The following THTPA variants were observed in gnomAD, a reference collection of about 807,000 sequenced individuals.
THTPA encodes the protein thiamine-triphosphatase.
A neutral mutation model predicts 16.5 loss-of-function variants in THTPA; 16 were observed. The ratio of observed to expected loss-of-function variants is 0.97; its 90% CI spans 0.66 to 1.47. The LOEUF is 1.47. Among genes scored for constraint, THTPA ranks in the 40% most tolerant of loss-of-function variants. The pLI, the probability that THTPA is intolerant of heterozygous loss-of-function variation, is 0.00. For synonymous variants in THTPA, 110 were observed against 115.5 expected (o/e 0.95, Z 0.30); for missense variants, 281 against 280.9 (o/e 1.00, Z 0.00).
At chr14:23,534,982 A>C in the THTPA span, 1 of 1,536,132 alleles carries the variant, frequency 6.5e-7, no homozygotes, top group South Asian at 1.2e-5. This position sits in a 1 kb window ranked among gnomAD's most constrained non-coding sequence, Gnocchi z 4.5. Context: ...AGCTGTGAAG[A>C]ATAAGTGGTT....
the THTPA span, chr14:23,524,295 T>A: frequency 3.3e-6 from 5 of 1,536,162 alleles, no homozygotes; most frequent in African/African-American, 6.8e-5. The surrounding 1 kb of genome is among the most constrained non-coding windows in gnomAD (Gnocchi z 5.6). Context: ...ATCTTGCGTG[T>A]TGGGTTGGAA....
chr14:23,537,830 C>T, the THTPA span, among the ~76,000 whole-genome samples: 1 of 152,154 alleles, frequency 6.6e-6, no homozygotes, highest in Non-Finnish European at 1.5e-5. Flanking sequence ...CCATCGTCAC[C>T]CACAGGGTGG....
the THTPA span, chr14:23,527,942 T>C: frequency 1.3e-6 from 1 of 796,010 alleles, no homozygotes; most frequent in African/African-American, 1.8e-5. Flanking sequence ...AGTCTGGCTC[T>C]GTCACCCAGG....
At chr14:23,532,201 TC>T in the THTPA span, 1 of 171,988 alleles carries the variant, frequency 5.8e-6, no homozygotes, top group South Asian at 2.0e-4. Flanking sequence ...TTGCTTGCTC[TC>T]CCCAACCCTT....
the THTPA span, among the ~76,000 whole-genome samples, chr14:23,516,040 T>A: frequency 2.0e-5 from 3 of 151,914 alleles, no homozygotes; most frequent in African/African-American, 7.3e-5. Flanking sequence ...GCCCCTGGGG[T>A]AGCAGGGTTG....
At chr14:23,523,099 C>G in the THTPA span, 3 of 1,404,974 alleles carry the variant, frequency 2.1e-6, no homozygotes, top group East Asian at 7.8e-5. This position sits in a 1 kb window ranked among gnomAD's most constrained non-coding sequence, Gnocchi z 4.1. Context: ...CAAAGGAAGG[C>G]CACAGGAGAT....
chr14:23,559,676 G>T lies in THTPA; in HGVS notation c.*836G>T. The T allele has an allele frequency of 7.2e-7, 1 of 1,388,910 alleles. No individual in the cohort carries two copies. The highest frequency in any genetic ancestry group is 1.8e-5 in the Admixed American group (1 of 54,520). The allele number at this position is 1,388,910 out of a possible 1,614,324, so 86.0% of individuals were successfully genotyped here. A position where few individuals can be genotyped will look rare whatever the true frequency, so the allele number is the denominator to read the frequency against. ...AGCGCCACCTGCTGGTAGCCCTCAG[G>T]TGTAGGTTCGAAGCTGCTGGGGCCC... is the stretch of plus-strand genomic sequence containing the variant. On this transcript the variant is annotated 3_prime_UTR_variant, in exon 2 of 2. Coordinates refer to ENST00000288014, the MANE Select transcript of THTPA (RefSeq NM_024328.6).
the THTPA span, chr14:23,526,039 C>T: frequency 6.5e-7 from 1 of 1,536,440 alleles, no homozygotes; most frequent in Non-Finnish European, 8.7e-7. Flanking sequence ...CCACCTCCCC[C>T]TCTGTCTCGC....
At chr14:23,524,527 T>C in the THTPA span, 1 of 1,526,762 alleles carries the variant, frequency 6.5e-7, no homozygotes, top group Non-Finnish European at 8.8e-7. The surrounding 1 kb of genome is among the most constrained non-coding windows in gnomAD (Gnocchi z 5.6). Context: ...AGGGCAGATC[T>C]AGGAGTTGGG....
the THTPA span, among the ~76,000 whole-genome samples, chr14:23,546,764 G>A: frequency 6.6e-6 from 1 of 152,250 alleles, no homozygotes; most frequent in South Asian, 2.1e-4. This position sits in a 1 kb window ranked among gnomAD's most constrained non-coding sequence, Gnocchi z 4.7. Flanking sequence ...TAACGGTGAG[G>A]TAAAGGACCA....
the THTPA span, chr14:23,525,513 C>T: frequency 1.3e-6 from 2 of 1,535,630 alleles, no homozygotes; most frequent in African/African-American, 2.7e-5. The surrounding 1 kb of genome is among the most constrained non-coding windows in gnomAD (Gnocchi z 5.9). Flanking sequence ...AGCTTGTCCC[C>T]ACCCCCGAGG....
chr14:23,526,505 A>G, the THTPA span: 374 of 1,535,810 alleles, frequency 2.4e-4, no homozygotes, highest in Non-Finnish European at 3.1e-4. Context: ...CTCCTCAGCC[A>G]TGGTGGGCGG....
the THTPA span, chr14:23,527,757 C>T: frequency 1.1e-5 from 17 of 1,536,044 alleles, no homozygotes; most frequent in Non-Finnish European, 1.5e-5. Context: ...GAGCCCTCAC[C>T]TGGCTGGACT....
At chr14:23,549,574 T>C in the THTPA span, among the ~76,000 whole-genome samples, 1 of 151,606 alleles carries the variant, frequency 6.6e-6, no homozygotes, top group African/African-American at 2.4e-5. Flanking sequence ...CTAAATATGA[T>C]AGTAGCAGGG....
chr14:23,518,362 A>G, the THTPA span, among the ~76,000 whole-genome samples: 1 of 152,244 alleles, frequency 6.6e-6, no homozygotes, highest in Non-Finnish European at 1.5e-5. This position sits in a 1 kb window ranked among gnomAD's most constrained non-coding sequence, Gnocchi z 4.5. Flanking sequence ...TTATGCCTGG[A>G]ATAAAAGGCT....
chr14:23,520,904 T>G, the THTPA span: 1 of 152,078 alleles, frequency 6.6e-6, no homozygotes, highest in African/African-American at 2.4e-5. This position sits in a 1 kb window ranked among gnomAD's most constrained non-coding sequence, Gnocchi z 8.7. Flanking sequence ...TTTCCAAGTT[T>G]ACGTTTTTCT....
the THTPA span, among the ~76,000 whole-genome samples, chr14:23,540,390 T>C: frequency 6.6e-6 from 1 of 152,188 alleles, no homozygotes; most frequent in Non-Finnish European, 1.5e-5. Context: ...CTCTCTTAAA[T>C]TGTTGCCTCA....
the THTPA span, among the ~76,000 whole-genome samples, chr14:23,536,038 C>T: frequency 6.6e-6 from 1 of 152,192 alleles, no homozygotes; most frequent in African/African-American, 2.4e-5. Flanking sequence ...TCAACAGCAA[C>T]TTCTAAAACA....
the THTPA span, chr14:23,534,682 T>C: frequency 5.2e-6 from 8 of 1,536,184 alleles, no homozygotes; most frequent in Non-Finnish European, 7.0e-6. This position sits in a 1 kb window ranked among gnomAD's most constrained non-coding sequence, Gnocchi z 4.5. Context: ...TCCGGGTGGA[T>C]TTGGAGCCAG....
Sources: gnomAD v4.1 joint callset for allele counts (sites outside exome capture counted in the v4.1 genomes callset) on GRCh38, gnomAD v4.1.1 for gene constraint, Gnocchi (gnomAD v3.1) non-coding constraint, MANE v1.5 for transcripts, NCBI Gene and HGNC (gene_info 2026-07-23, HGNC 2026-07-21) for gene names.